The following AGBL1 variants were observed in gnomAD, a reference collection of about 807,000 sequenced individuals.
AGBL1 encodes the protein AGBL carboxypeptidase 1.
Under a neutral mutation model 118.9 loss-of-function variants are expected in AGBL1, and 130 were observed. The ratio of observed to expected loss-of-function variants is 1.09; its 90% CI spans 0.95 to 1.26. AGBL1 has a LOEUF of 1.26. Ranked by LOEUF, AGBL1 falls within the 50% of genes most tolerant of loss-of-function variation. The probability of loss-of-function intolerance (pLI) is 0.00; values close to 1 mark genes in which losing one functional copy is unlikely to be tolerated. For synonymous variants in AGBL1, 555 were observed against 478.9 expected (o/e 1.16, Z -2.08); for missense variants, 1,584 against 1,298.1 (o/e 1.22, Z -3.38).
chr15:86,576,289 A>C (rs374204314), intron 21 of AGBL1, among the ~76,000 whole-genome samples: 6 of 152,310 alleles, frequency 3.9e-5, no homozygotes, highest in Admixed American at 3.3e-4. Flanking sequence ...AATTTAGTAA[A>C]ATTTAATTGA....
In AGBL1 at chr15:86,915,487, G is replaced by A. The variant is rs1296981817; in HGVS notation, c.*8193G>A. ...TTCTGTTCCCTCTTCTTCCATCCATGTGCCTAGATCTATCCATTATGTGCT... is the reference window on the plus strand; with the variant it reads ...TTCTGTTCCCTCTTCTTCCATCCATATGCCTAGATCTATCCATTATGTGCT... On this transcript the variant is annotated 3_prime_UTR_variant, in exon 23 of 23. Coordinates refer to ENST00000614907, the MANE Select transcript of AGBL1 (RefSeq NM_001386094.1). The A allele has an allele frequency of 2.0e-5, 3 of 152,022 alleles. No homozygotes were observed. Among genetic ancestry groups the A allele is most frequent in the African/African-American group, 4.8e-5 (2 of 41,366 alleles). The allele number at this position is 152,022 out of a possible 1,614,324, so 9.4% of individuals were successfully genotyped here. A position where few individuals can be genotyped will look rare whatever the true frequency, so the allele number is the denominator to read the frequency against.
At chr15:86,704,350 A>G (rs2142657303) in intron 22 of AGBL1, among the ~76,000 whole-genome samples, 1 of 152,324 alleles carries the variant, frequency 6.6e-6, no homozygotes, top group Middle Eastern at 3.4e-3. Context: ...GTGAACAGGC[A>G]CCCTACAGAA....
At chr15:86,700,882 G>T (rs565117372) in intron 22 of AGBL1, among the ~76,000 whole-genome samples, 1 of 152,180 alleles carries the variant, frequency 6.6e-6, no homozygotes, top group South Asian at 2.1e-4. Context: ...GTTTGGCCTG[G>T]TGTTCATGTG....
At chr15:86,458,624 T>G (rs2082291270) in intron 18 of AGBL1, among the ~76,000 whole-genome samples, 1 of 152,312 alleles carries the variant, frequency 6.6e-6, no homozygotes, top group East Asian at 1.9e-4. Flanking sequence ...CCACATCAAT[T>G]TTCTAACATA....
Position 86,286,735 on chromosome 15 carries a change from G to GTGTATATATA in AGBL1, c.2220+6953_2220+6954insGTATATATAT. ...TATATGTGTGTGTGTGTTTGTGTGT[G>GTGTATATATA]TATATATATATATAAAACTCCATCA... On this transcript the variant is annotated intron_variant, in intron 16 of 22. Coordinates refer to ENST00000614907, the MANE Select transcript of AGBL1 (RefSeq NM_001386094.1). Among the ~76,000 whole-genome samples the GTGTATATATA allele has an allele frequency of 5.5e-4, 58 of 106,246 alleles. 1 individual carries two copies. The highest frequency in any genetic ancestry group is 1.9e-3 in the African/African-American group (49 of 25,726). The allele number at this position is 106,246 out of a possible 152,430, so 69.7% of individuals were successfully genotyped here. A position where few individuals can be genotyped will look rare whatever the true frequency, so the allele number is the denominator to read the frequency against.
chr15:86,671,673 A>G (rs888640071), intron 21 of AGBL1, among the ~76,000 whole-genome samples: 2 of 152,166 alleles, frequency 1.3e-5, no homozygotes, highest in Non-Finnish European at 2.9e-5. Flanking sequence ...TTTTATTTTT[A>G]ATGCTCACAA....
rs758616547 is a variant in AGBL1 at position 86,264,276 on chromosome 15, G to A, written c.1105G>A (p.Gly369Arg). ...CCTGAAGGAACTGCAGTCCAAACTT[G>A]GAGATGATTTGAACTCTGAAAAGAC... ...YSFEELQSKL[G>R]DDLNSEKTQY... Residue 369 changes from glycine (G) to arginine (R), a missense_variant, in exon 11 of 23, where the codon GGA becomes AGA. Transcript: ENST00000614907. 8.7e-6 allele frequency: 14 copies of A among 1,600,196 alleles called. No individual in the cohort carries two copies. The highest frequency in any genetic ancestry group is 1.7e-4 in the Middle Eastern group (1 of 6,050).
chr15:86,355,970 GTCT>G (rs1375012695), intron 17 of AGBL1, among the ~76,000 whole-genome samples: 5 of 152,174 alleles, frequency 3.3e-5, no homozygotes, highest in African/African-American at 1.2e-4. Context: ...CTGCTTGCCT[GTCT>G]TCTTTTCAGC....
At chr15:86,601,834 T>C (rs889946078) in intron 21 of AGBL1, among the ~76,000 whole-genome samples, 2 of 152,144 alleles carry the variant, frequency 1.3e-5, no homozygotes, top group African/African-American at 2.4e-5. Flanking sequence ...CTCCATCCAA[T>C]AGATAAAGAA....
chr15:86,742,323 A>G (rs2077692340), intron 22 of AGBL1, among the ~76,000 whole-genome samples: 1 of 152,198 alleles, frequency 6.6e-6, no homozygotes, highest in Non-Finnish European at 1.5e-5. Context: ...TTAGTTACAG[A>G]TGAAACAATG....
At position 86,317,672 on chromosome 15, in the gene AGBL1, C is replaced by T. The variant is rs538904240; in HGVS notation, c.2374+22264C>T. ...ATGAAATAGAGCAGGGATTGACAAA[C>T]TTTTTCTGTAAAGGGCCAGATAGTA... is the stretch of plus-strand genomic sequence containing the variant. On this transcript the variant is annotated intron_variant, in intron 17 of 22. Transcript: ENST00000614907. Among the ~76,000 whole-genome samples, 3 of 152,288 alleles carry T rather than the reference C, an allele frequency of 2.0e-5. No homozygotes were observed. The South Asian group carries it at 6.2e-4, about 32-fold the overall frequency.
At chr15:86,444,721 A>C (rs932447894) in intron 18 of AGBL1, among the ~76,000 whole-genome samples, 1 of 152,122 alleles carries the variant, frequency 6.6e-6, no homozygotes, top group African/African-American at 2.4e-5. Flanking sequence ...CAGGGCCAGC[A>C]CCTCACACCT....
At chr15:86,282,637 A>T (rs1417398866) in intron 16 of AGBL1, among the ~76,000 whole-genome samples, 1 of 152,210 alleles carries the variant, frequency 6.6e-6, no homozygotes, top group Non-Finnish European at 1.5e-5. Context: ...TCTTAAAAAA[A>T]ACTTCCTCCC....
At position 86,370,829 on chromosome 15, in the gene AGBL1, A is replaced by G. The variant is rs559201910; in HGVS notation, c.2375-26537A>G. On this transcript the variant is annotated intron_variant, in intron 17 of 22. Coordinates refer to ENST00000614907, the MANE Select transcript of AGBL1 (RefSeq NM_001386094.1). Reference sequence around the variant, plus strand: ...AAGGGATCTGTATATGCCCTGTTCCATGTAAGAGACTTGTGCATAGTAGGT... The same window carrying G: ...AAGGGATCTGTATATGCCCTGTTCCGTGTAAGAGACTTGTGCATAGTAGGT... Among the ~76,000 whole-genome samples the G allele has an allele frequency of 2.8e-4, 42 of 152,304 alleles. No individual in the cohort carries two copies. The East Asian group carries it at 7.3e-3, about 27-fold the overall frequency.
chr15:86,102,675 A>G (rs972649422), intron 1 of AGBL1, among the ~76,000 whole-genome samples: 2 of 152,224 alleles, frequency 1.3e-5, no homozygotes, highest in Non-Finnish European at 2.9e-5. Flanking sequence ...AGGTTCCCTC[A>G]TAAGTGACTA....
intron 24 of AGBL1, chr15:86,988,291 G>T: frequency 1.8e-6 from 1 of 540,962 alleles, no homozygotes; most frequent in Non-Finnish European, 3.2e-6. Context: ...TCACACAAAT[G>T]AATACGATTA....
At chr15:86,252,524 T>A (rs1364310402) in intron 7 of AGBL1, among the ~76,000 whole-genome samples, 1 of 152,116 alleles carries the variant, frequency 6.6e-6, no homozygotes, top group African/African-American at 2.4e-5. Context: ...GAATCCTATA[T>A]GGGAAAATAG....
At chr15:86,651,623 C>T (rs557011604) in intron 21 of AGBL1, among the ~76,000 whole-genome samples, 4 of 152,292 alleles carry the variant, frequency 2.6e-5, no homozygotes, top group Admixed American at 6.5e-5. Flanking sequence ...TGACGTTCGT[C>T]AGTAAATGAC....
At chr15:86,930,648 G>A (rs2080593586) in intron 23 of AGBL1, among the ~76,000 whole-genome samples, 3 of 152,100 alleles carry the variant, frequency 2.0e-5, no homozygotes, top group African/African-American at 7.2e-5. Flanking sequence ...CTAGCTGTTC[G>A]TTATAGGATT....
Sources: allele counts gnomAD v4.1 joint callset (sites outside exome capture counted in the v4.1 genomes callset), GRCh38; gene constraint gnomAD v4.1.1; transcripts MANE v1.5; gene names NCBI Gene and HGNC (gene_info 2026-07-23, HGNC 2026-07-21).